The following APOBEC3B variants were observed in gnomAD, a reference collection of about 807,000 sequenced individuals.
The protein encoded by APOBEC3B is apolipoprotein B mRNA editing enzyme catalytic subunit 3B, also known as DNA dC->dU-editing enzyme APOBEC-3B.
In APOBEC3B, 29 loss-of-function variants were observed where a neutral mutation model predicts 53.4. That is an observed-to-expected ratio of 0.54 (90% CI 0.40 to 0.74). APOBEC3B has a LOEUF of 0.74. Among genes scored for constraint, APOBEC3B ranks in the 30% least tolerant of loss-of-function variants. The pLI is 0.00. For missense variants in APOBEC3B, 347 were observed against 496.2 expected (o/e 0.70, Z 2.86); for synonymous variants, 132 against 184.8 (o/e 0.71, Z 2.32).
chr22:38,992,287 T>G, intron 7 of APOBEC3B, 138 bp downstream of exon 7: 1 of 1,533,960 alleles, frequency 6.5e-7, no homozygotes, highest in Non-Finnish European at 8.8e-7. Flanking sequence ...CGTCCCTCCC[T>G]TTCCTTCTCA....
intron 7 of APOBEC3B, 115 bp from the exon 8 acceptor site, chr22:38,992,316 C>T: frequency 6.5e-7 from 1 of 1,536,042 alleles, no homozygotes; most frequent in Non-Finnish European, 8.8e-7. Flanking sequence ...TTCTCTTTCC[C>T]ACCTCCCGCA....
chr22:38,989,753 G>A (rs1923917288), intron 5 of APOBEC3B, 143 bp downstream of exon 5: 2 of 915,342 alleles, frequency 2.2e-6, no homozygotes, highest in African/African-American at 1.7e-5. Flanking sequence ...TGGCCCTGGA[G>A]TTGGGGGGAG....
intron 4 of APOBEC3B, among the ~76,000 whole-genome samples, chr22:38,988,757 T>G (rs1178744604): frequency 1.3e-5 from 1 of 76,618 alleles, no homozygotes; most frequent in Admixed American, 1.4e-4. Context: ...TCCTTTCTTC[T>G]CTCTCGTCTT....
intron 1 of APOBEC3B, among the ~76,000 whole-genome samples, chr22:38,983,267 G>A (rs747527983): frequency 2.7e-5 from 4 of 147,446 alleles, no homozygotes; most frequent in Non-Finnish European, 6.0e-5. Context: ...GCAGTGAGCT[G>A]AGATCATGCC....
At position 38,989,607 on chromosome 22, in the gene APOBEC3B, C is replaced by T. The variant is rs376183129; in HGVS notation, c.720C>T (p.Asn240=). 34 of 1,565,678 alleles carry T rather than the reference C, an allele frequency of 2.2e-5. No homozygotes were observed. Among genetic ancestry groups the T allele is most frequent in the South Asian group, 6.9e-5 (6 of 86,432 alleles). Residue 240 remains asparagine (N), a synonymous_variant, in exon 5 of 8, where the codon AAC becomes AAT. Coordinates refer to ENST00000333467, the MANE Select transcript of APOBEC3B (RefSeq NM_004900.5). The stretch of plus-strand genomic sequence containing the variant: ...ACCAGCACATGGGCTTTCTATGCAA[C>T]GAGGTGACCGACCCAGCCACCTGCA... ...LMDQHMGFLC[N]EAKNLLCGFY...
At position 38,992,025 on chromosome 22, in the gene APOBEC3B, C is replaced by T. The variant is rs781543142; in HGVS notation, c.1019-9C>T. 2.5e-6 allele frequency: 4 copies of T among 1,573,616 alleles called. 1 individual carries two copies. The highest frequency in any genetic ancestry group is 3.4e-6 in the Non-Finnish European group (4 of 1,161,808). ...AGGAGCGTGACTTATCTCCCCTGTC[C>T]CTTTTCAGAGTTTGAGTACTGCTGG... is the stretch of plus-strand genomic sequence containing the variant. On this transcript the variant is annotated splice_polypyrimidine_tract_variant and intron_variant, in intron 6 of 7. Coordinates refer to ENST00000333467, the MANE Select transcript of APOBEC3B (RefSeq NM_004900.5).
At chr22:38,988,502 T>G (rs1310284841) in intron 4 of APOBEC3B, among the ~76,000 whole-genome samples, 1 of 148,592 alleles carries the variant, frequency 6.7e-6, no homozygotes, top group Non-Finnish European at 1.5e-5. Context: ...GGGTGTTGCT[T>G]GTAGGACCAC....
chr22:38,988,733 C>CTTTCTTTCTTTT (rs1569039146), intron 4 of APOBEC3B, among the ~76,000 whole-genome samples: 1 of 133,126 alleles, frequency 7.5e-6, no homozygotes, highest in Non-Finnish European at 1.6e-5. Flanking sequence ...TTCTTTCTTT[C>CTTTCTTTCTTTT]TTTCTTTCTT....
chr22:38,992,312 T>C, intron 7 of APOBEC3B, 119 bp from the exon 8 acceptor site: 1 of 1,535,916 alleles, frequency 6.5e-7, no homozygotes, highest in Non-Finnish European at 8.8e-7. Context: ...CTCCTTCTCT[T>C]TCCCACCTCC....
Position 38,992,653 on chromosome 22 carries a change from T to C in APOBEC3B, c.*208T>C. 4.4e-6 allele frequency: 6 copies of C among 1,377,442 alleles called. No individual in the cohort carries two copies. The highest frequency in any genetic ancestry group is 1.5e-5 in the South Asian group (1 of 66,794). 85.3% of individuals were successfully genotyped at this position (1,377,442 alleles called of 1,614,324 possible). On this transcript the variant is annotated 3_prime_UTR_variant, in exon 8 of 8. Coordinates refer to ENST00000333467, the MANE Select transcript of APOBEC3B (RefSeq NM_004900.5). ...GAAAATTTCTCTTATGTTCCAAGTG[T>C]ACAAGAGTAAGATTATGCTCAATAT...
intron 4 of APOBEC3B, among the ~76,000 whole-genome samples, chr22:38,989,163 C>G (rs1476039360): frequency 6.8e-6 from 1 of 148,006 alleles, no homozygotes; most frequent in African/African-American, 2.5e-5. Context: ...CCCAGCTCTA[C>G]CCCAGGGAGA....
rs994418281 is a variant in APOBEC3B, at chr22:38,992,243, C to T, written c.1134+94C>T. The stretch of plus-strand genomic sequence containing the variant: ...CCTTCCCCTCTGCTCAGAGCCTCCT[C>T]TGGGTTCCCTGCTCCCCACAGGGCG... On this transcript the variant is annotated intron_variant, in intron 7 of 7. Transcript: ENST00000333467. 3.2e-6 allele frequency: 5 copies of T among 1,546,070 alleles called. 1 individual carries two copies. Among genetic ancestry groups the T allele is most frequent in the African/African-American group, 1.4e-5 (1 of 72,992 alleles).
Position 38,982,555 on chromosome 22 carries a change from C to T in APOBEC3B, c.17+85C>T, listed in dbSNP as rs570497857. The T allele has an allele frequency of 4.0e-5, 61 of 1,509,848 alleles. 5 individuals are homozygous for T. The highest frequency in any genetic ancestry group is 1.0e-4 in the East Asian group (4 of 38,476). The allele number at this position is 1,509,848 out of a possible 1,614,324, so 93.5% of individuals were successfully genotyped here. ...CTGGGCCTCAACCCTGGCCTCCCCC[C>T]GCCCCTGCCCCAGCCCTGGGCTCCC... is the stretch of plus-strand genomic sequence containing the variant. On this transcript the variant is annotated intron_variant, in intron 1 of 7. Coordinates refer to ENST00000333467, the MANE Select transcript of APOBEC3B (RefSeq NM_004900.5).
At position 38,988,681 on chromosome 22, in the gene APOBEC3B, T is replaced by TTCTCTCTTTCTCTCTTTCTCTCTTTC. The variant is rs58110435; in HGVS notation, c.570-771_570-770insCTTTCTCTCTTTCTCTCTTTCTCTCT. On this transcript the variant is annotated intron_variant, in intron 4 of 7. Transcript: ENST00000333467. ...CCTTGCTTCCTCTCTCTTTCTCTCT[T>TTCTCTCTTTCTCTCTTTCTCTCTTTC]TCTCTTTCTTTCTTTCTTTCTTTCT... 1.8e-3 allele frequency among the ~76,000 whole-genome samples: 112 copies of TTCTCTCTTTCTCTCTTTCTCTCTTTC among 63,618 alleles called. 8 individuals are homozygous for TTCTCTCTTTCTCTCTTTCTCTCTTTC. The highest frequency in any genetic ancestry group is 0.016 in the Middle Eastern group (2 of 124). The allele number at this position is 63,618 out of a possible 152,430, so 41.7% of individuals were successfully genotyped here.
In APOBEC3B at chr22:38,992,056, C is replaced by A; in HGVS notation, c.1041C>A (p.Thr347=). 1 of 1,589,318 alleles carries A rather than the reference C, an allele frequency of 6.3e-7. No homozygotes were observed. Among genetic ancestry groups the A allele is most frequent in the Non-Finnish European group, 8.5e-7 (1 of 1,170,572 alleles). Reference sequence around the variant, plus strand: ...CAGAGTTTGAGTACTGCTGGGACACCTTTGTGTACCGCCAGGGATGTCCCT... The same window carrying A: ...CAGAGTTTGAGTACTGCTGGGACACATTTGTGTACCGCCAGGGATGTCCCT... ...TYDEFEYCWD[T]FVYRQGCPFQ... Residue 347 remains threonine, a synonymous_variant, in exon 7 of 8, where the codon ACC becomes ACA. Transcript: ENST00000333467.
At chr22:38,984,592 C>T (rs1376107486) in intron 2 of APOBEC3B, among the ~76,000 whole-genome samples, 2 of 148,580 alleles carry the variant, frequency 1.3e-5, no homozygotes, top group Non-Finnish European at 3.0e-5. Context: ...AAAGGAGAGA[C>T]AGTAAAGGAA....
At chr22:38,984,362 A>C (rs1923651245) in intron 2 of APOBEC3B, 131 bp downstream of exon 2, 2 of 1,191,632 alleles carry the variant, frequency 1.7e-6, no homozygotes, top group Non-Finnish European at 2.3e-6. Context: ...AAAAAGGCTG[A>C]GCCCTTAACA....
At chr22:38,992,343 C>G in intron 7 of APOBEC3B, 88 bp from the exon 8 acceptor site, 1 of 1,547,708 alleles carries the variant, frequency 6.5e-7, no homozygotes, top group Non-Finnish European at 8.8e-7. Context: ...CCTCCTCTCC[C>G]GTCATTGTCA....
Position 38,982,397 on chromosome 22 carries a change from A to G in APOBEC3B, c.-57A>G, listed in dbSNP as rs1037621430. On this transcript the variant is annotated 5_prime_UTR_variant, in exon 1 of 8. Coordinates refer to ENST00000333467, the MANE Select transcript of APOBEC3B (RefSeq NM_004900.5). ...AAGGACGCTGTAAGCAGGAAGTGAA[A>G]CCACAGAGCTTCAAAAAAAGAGCGG... is the stretch of plus-strand genomic sequence containing the variant. 1.4e-5 allele frequency: 22 copies of G among 1,588,842 alleles called. 2 individuals are homozygous for G. Among genetic ancestry groups the G allele is most frequent in the African/African-American group, 1.3e-4 (10 of 74,100 alleles).
Sources: gnomAD v4.1 joint callset for allele counts (sites outside exome capture counted in the v4.1 genomes callset) on GRCh38, gnomAD v4.1.1 for gene constraint, MANE v1.5 for transcripts, NCBI Gene and HGNC (gene_info 2026-07-23, HGNC 2026-07-21) for gene names.